MYO3A: variants seen among roughly 807,000 people sequenced by gnomAD.
The protein encoded by MYO3A is myosin-IIIa.
A neutral mutation model predicts 192.7 loss-of-function variants in MYO3A; 180 were observed. The ratio of observed to expected loss-of-function variants is 0.93; its 90% CI spans 0.83 to 1.06. The LOEUF is 1.06. Among genes scored for constraint, MYO3A ranks in the 50% least tolerant of loss-of-function variants. MYO3A has a pLI of 0.00. For synonymous variants in MYO3A, 628 were observed against 645.3 expected (o/e 0.97, Z 0.41); for missense variants, 1,896 against 1,905.0 (o/e 1.00, Z 0.09).
intron 17 of MYO3A, among the ~76,000 whole-genome samples, chr10:26,108,711 G>C (rs1413052166): frequency 1.3e-5 from 2 of 152,176 alleles, no homozygotes; most frequent in Non-Finnish European, 2.9e-5. Flanking sequence ...CTGAAGACAG[G>C]AATCTCTCAG....
intron 4 of MYO3A, among the ~76,000 whole-genome samples, chr10:25,965,506 A>C (rs1838201829): frequency 6.6e-6 from 1 of 152,030 alleles, no homozygotes; most frequent in Admixed American, 6.6e-5. Context: ...CCTGGGGCTA[A>C]GGGACGTGAT....
intron 14 of MYO3A, among the ~76,000 whole-genome samples, chr10:26,087,245 C>T (rs1327303992): frequency 1.3e-5 from 2 of 152,206 alleles, no homozygotes; most frequent in Non-Finnish European, 2.9e-5. Context: ...AATTACTACA[C>T]TCTTCTTCCA....
chr10:26,170,019 TA>T (rs923684125), intron 28 of MYO3A, among the ~76,000 whole-genome samples: 3 of 152,098 alleles, frequency 2.0e-5, no homozygotes, highest in Non-Finnish European at 2.9e-5. Context: ...TTCTAAAACT[TA>T]AAAAAAATTA....
chr10:26,081,083 G>T (rs1356055565), intron 14 of MYO3A, among the ~76,000 whole-genome samples: 1 of 150,800 alleles, frequency 6.6e-6, no homozygotes, highest in African/African-American at 2.4e-5. Context: ...GTAGTATGGG[G>T]TGGAACCGGC....
chr10:25,958,296 A>G (rs1188036720), intron 4 of MYO3A, among the ~76,000 whole-genome samples: 4 of 152,222 alleles, frequency 2.6e-5, no homozygotes, highest in East Asian at 3.9e-4. Flanking sequence ...TTCAGTTTCA[A>G]TCTTCTGCAT....
chr10:26,115,502 T>A (rs949128292), intron 17 of MYO3A, among the ~76,000 whole-genome samples: 1 of 152,208 alleles, frequency 6.6e-6, no homozygotes, highest in African/African-American at 2.4e-5. Flanking sequence ...ATATCTAGAT[T>A]TTTTCTTAAG....
chr10:26,120,654 A>G (rs956257325), intron 17 of MYO3A, 22 bp from the exon 18 acceptor site: 7 of 1,613,640 alleles, frequency 4.3e-6, no homozygotes, highest in African/African-American at 1.3e-5. Flanking sequence ...AATGATGCCA[A>G]TGTTTCTGTG....
rs1463090430 is a variant in MYO3A at position 26,174,041 on chromosome 10, A to G, written c.3777A>G (p.Glu1259=). 6.2e-7 allele frequency: 1 copy of G among 1,613,554 alleles called. No homozygotes were observed. Among genetic ancestry groups the G allele is most frequent in the East Asian group, 2.2e-5 (1 of 44,892 alleles). Residue 1259 remains glutamate, a synonymous_variant, in exon 30 of 35, where the codon GAA becomes GAG. Transcript: ENST00000642920. ...NCEESKAAYL[E]RKAISERPSY... is the part of the protein sequence containing the mutation. Reference sequence around the variant, plus strand: ...AAGAGTCAAAAGCAGCATATCTAGAAAGGAAGGCCATATCAGAAAGGCCAA... The same window carrying G: ...AAGAGTCAAAAGCAGCATATCTAGAGAGGAAGGCCATATCAGAAAGGCCAA...
rs2131848358 is a variant in MYO3A, at chr10:26,143,867, A to T, written c.2416+266A>T. ...AAGCTCAACCATAGAATCACAGGTT[A>T]TAAATGACCTTAGAAATTTTCCAGC... On this transcript the variant is annotated intron_variant, in intron 21 of 34. Coordinates refer to ENST00000642920, the MANE Select transcript of MYO3A (RefSeq NM_017433.5). Among the ~76,000 whole-genome samples the T allele has an allele frequency of 2.0e-5, 3 of 152,344 alleles. 1 individual carries two copies. Among genetic ancestry groups the T allele is most frequent in the Admixed American group, 2.0e-4 (3 of 15,306 alleles).
chr10:26,104,866 TACACACACAC>T (rs60219721), intron 17 of MYO3A, among the ~76,000 whole-genome samples: 4 of 148,054 alleles, frequency 2.7e-5, no homozygotes, highest in East Asian at 2.0e-4. Flanking sequence ...TGTTTATAGA[TACACACACAC>T]ACACACACAC....
intron 17 of MYO3A, among the ~76,000 whole-genome samples, chr10:26,099,486 G>A (rs186557130): frequency 2.1e-3 from 327 of 152,280 alleles, no homozygotes; most frequent in Admixed American, 3.7e-3. Context: ...CCTGTCTTGT[G>A]CCAGTTTTCA....
rs1419898927 is a variant in MYO3A at position 25,998,287 on chromosome 10, A to C, written c.508+1029A>C. Among the ~76,000 whole-genome samples the C allele has an allele frequency of 3.9e-5, 6 of 152,276 alleles. No homozygotes were observed. The South Asian group carries it at 1.2e-3, about 32-fold the overall frequency. On this transcript the variant is annotated intron_variant, in intron 6 of 34. Coordinates refer to ENST00000642920, the MANE Select transcript of MYO3A (RefSeq NM_017433.5). ...CTAAAGCTCAGCAAGTTAATGGGTTAATTTTTAAAATTTCTTTAATATCTA... is the reference window on the plus strand; with the variant it reads ...CTAAAGCTCAGCAAGTTAATGGGTTCATTTTTAAAATTTCTTTAATATCTA...
intron 14 of MYO3A, among the ~76,000 whole-genome samples, chr10:26,085,005 T>C (rs1344211641): frequency 6.6e-6 from 1 of 152,184 alleles, no homozygotes; most frequent in Non-Finnish European, 1.5e-5. Context: ...GGTTGTATTT[T>C]TCTAAGAATT....
chr10:26,176,901 G>A (rs769998053), intron 31 of MYO3A, 56 bp downstream of exon 31: 314 of 1,578,610 alleles, frequency 2.0e-4, no homozygotes, highest in Admixed American at 3.0e-4. Flanking sequence ...CAGATACTTT[G>A]TTTATTAGTT....
intron 20 of MYO3A, among the ~76,000 whole-genome samples, chr10:26,141,399 A>G (rs1157449391): frequency 6.6e-6 from 1 of 152,196 alleles, no homozygotes; most frequent in African/African-American, 2.4e-5. Context: ...AATTCTGAGT[A>G]ATAGCGTTTT....
At chr10:26,026,577 A>T (rs1162807775) in intron 10 of MYO3A, 45 bp downstream of exon 10, 1 of 1,606,538 alleles carries the variant, frequency 6.2e-7, no homozygotes, top group South Asian at 1.1e-5. Flanking sequence ...GATTATTGAA[A>T]GATTTTGAAC....
chr10:26,120,134 A>G (rs1471653721), intron 17 of MYO3A, among the ~76,000 whole-genome samples: 4 of 152,110 alleles, frequency 2.6e-5, no homozygotes, highest in African/African-American at 9.7e-5. Flanking sequence ...ACTGCACTCC[A>G]TCCTGGGCAA....
chr10:26,020,598 AT>A (rs149003589), intron 7 of MYO3A, among the ~76,000 whole-genome samples: 10,046 of 152,164 alleles, frequency 0.066, 411 homozygotes, highest in Non-Finnish European at 0.094. Context: ...AATATCTTTT[AT>A]TTTTTCTTGT....
At chr10:25,938,759 T>C (rs1836280791) in intron 2 of MYO3A, among the ~76,000 whole-genome samples, 1 of 152,250 alleles carries the variant, frequency 6.6e-6, no homozygotes, top group South Asian at 2.1e-4. Flanking sequence ...GCATGTTCTA[T>C]ATCAATGAGG....
Sources: gnomAD v4.1 joint callset for allele counts (sites outside exome capture counted in the v4.1 genomes callset) on GRCh38, gnomAD v4.1.1 for gene constraint, MANE v1.5 for transcripts, NCBI Gene and HGNC (gene_info 2026-07-23, HGNC 2026-07-21) for gene names.